Variants in SLC25A48 observed in about 807,000 individuals in gnomAD.
SLC25A48 encodes CTC-321K16.1.
Under a neutral mutation model 32.2 loss-of-function variants are expected in SLC25A48, and 29 were observed. That is an observed-to-expected ratio of 0.90 (90% confidence interval 0.67 to 1.23). SLC25A48 has a LOEUF of 1.23. SLC25A48 is among the 50% of genes most tolerant of loss of function. SLC25A48 has a pLI of 0.00. For synonymous variants in SLC25A48, 164 were observed against 172.3 expected (o/e 0.95, Z 0.38); for missense variants, 399 against 422.7 (o/e 0.94, Z 0.49).
At chr5:135,817,131 C>A (rs1757740050) in intron 4 of SLC25A48, among the ~76,000 whole-genome samples, 1 of 152,098 alleles carries the variant, frequency 6.6e-6, no homozygotes, top group Non-Finnish European at 1.5e-5. Context: ...AATTTCCCCC[C>A]CAGGGAACAT....
At chr5:135,620,260 C>G (rs1433936228) in intron 1 of SLC25A48, among the ~76,000 whole-genome samples, 3 of 152,138 alleles carry the variant, frequency 2.0e-5, no homozygotes, top group African/African-American at 7.2e-5. Context: ...TCAGATGTCA[C>G]TGGTGGTGGG....
chr5:135,836,965 C>CCT (rs1758564721), intron 1 of SLC25A48, among the ~76,000 whole-genome samples: 2 of 20,616 alleles, frequency 9.7e-5, no homozygotes, highest in African/African-American at 1.9e-4. Context: ...ATTATCCCCC[C>CCT]CCCCACCCCC....
At chr5:135,663,406 A>G (rs1580765844) in intron 3 of SLC25A48, among the ~76,000 whole-genome samples, 2 of 152,088 alleles carry the variant, frequency 1.3e-5, no homozygotes, top group African/African-American at 2.4e-5. Context: ...CAGTAGTATC[A>G]CCCTGTCCCC....
intron 3 of SLC25A48, among the ~76,000 whole-genome samples, chr5:135,684,939 A>G (rs1451885357): frequency 6.6e-6 from 1 of 152,182 alleles, no homozygotes; most frequent in Non-Finnish European, 1.5e-5. Flanking sequence ...GTCAACTTAC[A>G]GGGCCAAAAA....
chr5:135,813,289 T>C (rs1382348979), intron 4 of SLC25A48, among the ~76,000 whole-genome samples: 2 of 152,130 alleles, frequency 1.3e-5, no homozygotes, highest in African/African-American at 4.8e-5. Context: ...GAAAGAAGCC[T>C]GGTAGCAGCG....
At chr5:135,686,333 C>T (rs1754020090) in intron 3 of SLC25A48, among the ~76,000 whole-genome samples, 1 of 152,246 alleles carries the variant, frequency 6.6e-6, no homozygotes, top group South Asian at 2.1e-4. Flanking sequence ...TCACAAGGCC[C>T]TCAGAAGTGA....
At position 135,797,180 on chromosome 5, in the gene SLC25A48, A is replaced by G. The variant is rs112465954; in HGVS notation, c.-520-15343A>G. ...ATCCAGGGGTGAAGAAGATGATAAT[A>G]CTCCCAATATCGCAGTGGGTGTACA... On this transcript the variant is annotated intron_variant, in intron 3 of 10. Coordinates refer to the SLC25A48 transcript ENST00000646290. Among the ~76,000 whole-genome samples, 200 of 151,878 alleles carry G rather than the reference A, an allele frequency of 1.3e-3. 1 individual carries two copies. Among genetic ancestry groups the G allele is most frequent in the African/African-American group, 4.6e-3 (190 of 41,444 alleles).
At chr5:135,759,526 C>A (rs1055849537) in intron 3 of SLC25A48, among the ~76,000 whole-genome samples, 1 of 152,152 alleles carries the variant, frequency 6.6e-6, no homozygotes, top group African/African-American at 2.4e-5. Context: ...TTCTTCAGCA[C>A]ATAGTTACTG....
chr5:135,659,938 T>C (rs191391609), intron 3 of SLC25A48, among the ~76,000 whole-genome samples: 1 of 152,326 alleles, frequency 6.6e-6, no homozygotes, highest in East Asian at 1.9e-4. Context: ...CCCACCCACC[T>C]TCGGGAATTA....
At chr5:135,651,935 T>C (rs892579422) in intron 3 of SLC25A48, among the ~76,000 whole-genome samples, 1 of 152,232 alleles carries the variant, frequency 6.6e-6, no homozygotes, top group Non-Finnish European at 1.5e-5. Flanking sequence ...TCTCTCATAA[T>C]GGGCACAAAC....
intron 1 of SLC25A48, among the ~76,000 whole-genome samples, chr5:135,592,363 C>T (rs1751547371): frequency 6.6e-6 from 1 of 152,178 alleles, no homozygotes; most frequent in Admixed American, 6.5e-5. Flanking sequence ...CATTCCTAAA[C>T]ATCTTGACTT....
intron 3 of SLC25A48, among the ~76,000 whole-genome samples, chr5:135,683,445 C>A (rs1365148470): frequency 6.6e-6 from 1 of 152,210 alleles, no homozygotes; most frequent in African/African-American, 2.4e-5. Flanking sequence ...TGAGAAATCA[C>A]CCTGATCCCT....
Position 135,850,933 on chromosome 5 carries a change from G to C in SLC25A48, c.162+437G>C, listed in dbSNP as rs540779343. 2.6e-5 allele frequency among the ~76,000 whole-genome samples: 4 copies of C among 152,262 alleles called. No individual in the cohort carries two copies. The South Asian group carries it at 8.3e-4, about 32-fold the overall frequency. On this transcript the variant is annotated intron_variant, in intron 3 of 7. Transcript: ENST00000681962. The stretch of plus-strand genomic sequence containing the variant: ...GCGCCCAGGTCACTTTAGACCATGC[G>C]ACCTGAGGTATTCCTTTTCCGAAGG...
intron 3 of SLC25A48, among the ~76,000 whole-genome samples, chr5:135,684,897 T>C (rs756798): frequency 6.6e-6 from 1 of 151,964 alleles, no homozygotes; most frequent in Non-Finnish European, 1.5e-5. Context: ...TGTTCTGCAG[T>C]GTAGATTTAT....
At chr5:135,672,687 A>G (rs142937910) in intron 3 of SLC25A48, among the ~76,000 whole-genome samples, 1 of 152,218 alleles carries the variant, frequency 6.6e-6, no homozygotes, top group Non-Finnish European at 1.5e-5. Flanking sequence ...TAGTTTTTGC[A>G]AAAGTTATTT....
chr5:135,646,659 T>TTATATATATATATATATATATATATA (rs34299516), intron 3 of SLC25A48, among the ~76,000 whole-genome samples: 1,654 of 124,928 alleles, frequency 0.013, 48 homozygotes, highest in East Asian at 0.037. Flanking sequence ...TAATTTCCCA[T>TTATATATATATATATATATATATATA]TATATATATA....
intron 3 of SLC25A48, among the ~76,000 whole-genome samples, chr5:135,647,551 A>G (rs945315113): frequency 1.1e-4 from 17 of 152,274 alleles, no homozygotes; most frequent in African/African-American, 4.1e-4. Context: ...AGTCCTCATT[A>G]GGGTAGAGCA....
intron 7 of SLC25A48, among the ~76,000 whole-genome samples, chr5:135,884,460 ACATT>A (rs1460297924): frequency 6.6e-6 from 1 of 152,130 alleles, no homozygotes; most frequent in Non-Finnish European, 1.5e-5. Context: ...CAGCAGTGGG[ACATT>A]CATTCATTTG....
chr5:135,862,196 C>T (rs1280612438), intron 4 of SLC25A48, among the ~76,000 whole-genome samples: 5 of 152,250 alleles, frequency 3.3e-5, no homozygotes, highest in Non-Finnish European at 7.3e-5. Context: ...CCAGTAGTCC[C>T]TTTGCTGCCT....
Sources: gnomAD v4.1 joint callset for allele counts (sites outside exome capture counted in the v4.1 genomes callset) on GRCh38, gnomAD v4.1.1 for gene constraint, MANE v1.5 for transcripts, NCBI Gene and HGNC (gene_info 2026-07-23, HGNC 2026-07-21) for gene names.